The following KIF26B variants were observed in gnomAD, a reference collection of about 807,000 sequenced individuals.
KIF26B encodes kinesin-like protein KIF26B.
A neutral mutation model predicts 151.2 loss-of-function variants in KIF26B; 63 were observed. The ratio of observed to expected loss-of-function variants is 0.42; its 90% CI spans 0.34 to 0.51. KIF26B has a LOEUF of 0.51. Ranked by LOEUF, KIF26B falls within the 20% of genes least tolerant of loss-of-function variation. KIF26B has a pLI of 0.07. For synonymous variants in KIF26B, 1,357 were observed against 1,262.1 expected, an observed-to-expected ratio of 1.08 and a Z score of -1.59; for missense variants, 2,813 against 2,913.6, an observed-to-expected ratio of 0.97 and a Z score of 0.79.
chr1:245,156,307 A>G lies in KIF26B; in HGVS notation c.89A>G (p.Lys30Arg). The change falls in exon 2 of 15, where the codon AAG (lysine) becomes AGG (arginine). Residue 30 changes from lysine to arginine, a missense_variant. Lys to Arg is a conservative substitution (Grantham distance 26, BLOSUM62 2). Around this residue, in one of 3 missense-constraint regions of KIF26B, gnomAD observed 676 missense variants for 688.1 expected, o/e 0.98. Coordinates refer to ENST00000407071, the MANE Select transcript of KIF26B (RefSeq NM_018012.4). Reference protein sequence around the residue: ...YGVNEVCSPTKPAAPFSPESW... With the variant: ...YGVNEVCSPTRPAAPFSPESW... The stretch of plus-strand genomic sequence containing the variant: ...GTGAATGAAGTCTGCTCGCCCACCA[A>G]GCCCGCAGCGCCCTTCTCCCCGGAA... 3.2e-6 allele frequency: 5 copies of G among 1,547,364 alleles called. No homozygotes were observed. Among genetic ancestry groups the G allele is most frequent in the Non-Finnish European group, 4.4e-6 (5 of 1,145,962 alleles).
chr1:245,648,734 C>T (rs768754763), intron 10 of KIF26B, among the ~76,000 whole-genome samples: 3 of 152,224 alleles, frequency 2.0e-5, no homozygotes, highest in Non-Finnish European at 4.4e-5. Flanking sequence ...TACCTGCCCT[C>T]CTGGGAGACA....
chr1:245,345,557 C>G (rs1185229808), intron 2 of KIF26B, among the ~76,000 whole-genome samples: 1 of 151,810 alleles, frequency 6.6e-6, no homozygotes, highest in Non-Finnish European at 1.5e-5. Flanking sequence ...GTGTCCCTGC[C>G]CACATCTCAT....
At chr1:245,590,484 T>C (rs2043276239) in intron 5 of KIF26B, among the ~76,000 whole-genome samples, 1 of 152,270 alleles carries the variant, frequency 6.6e-6, no homozygotes, top group African/African-American at 2.4e-5. Context: ...TTACCATTTC[T>C]ACTCACAGTA....
intron 2 of KIF26B, among the ~76,000 whole-genome samples, chr1:245,253,692 TTTTTAAAATGG>T (rs1670482376): frequency 6.6e-6 from 1 of 151,816 alleles, no homozygotes; most frequent in Admixed American, 6.6e-5. Context: ...CTAACTTAAT[TTTTTAAAATGG>T]TTATAGGACT....
At chr1:245,184,902 G>A (rs1313128104) in intron 2 of KIF26B, among the ~76,000 whole-genome samples, 6 of 152,186 alleles carry the variant, frequency 3.9e-5, no homozygotes, top group East Asian at 1.9e-4. Context: ...GATAGAGAGC[G>A]TCTTGCTTGC....
chr1:245,243,481 T>TAC lies in KIF26B; in HGVS notation c.465+86804_465+86805dup, dbSNP rs1553338074. ...ACACACACACACACACATATATATA[T>TAC]ACACACATACATAAAAGGATCTTTT... On this transcript the variant is annotated intron_variant, in intron 2 of 14. Coordinates refer to ENST00000407071, the MANE Select transcript of KIF26B (RefSeq NM_018012.4). 6.4e-3 allele frequency among the ~76,000 whole-genome samples: 978 copies of TAC among 151,710 alleles called. 4 individuals are homozygous for TAC. Among genetic ancestry groups the TAC allele is most frequent in the Non-Finnish European group, 9.5e-3 (645 of 67,896 alleles).
At chr1:245,551,743 G>A (rs557619734) in intron 5 of KIF26B, among the ~76,000 whole-genome samples, 3 of 152,238 alleles carry the variant, frequency 2.0e-5, no homozygotes, top group East Asian at 3.9e-4. Context: ...AGGCTCCCAG[G>A]GTGGATCTGC....
At chr1:245,298,617 A>G (rs1671376386) in intron 2 of KIF26B, among the ~76,000 whole-genome samples, 1 of 152,240 alleles carries the variant, frequency 6.6e-6, no homozygotes, top group Admixed American at 6.5e-5. Flanking sequence ...ATGCTCTTGA[A>G]TAGTACACCT....
intron 2 of KIF26B, among the ~76,000 whole-genome samples, chr1:245,286,409 G>T (rs1573753758): frequency 6.6e-6 from 1 of 152,046 alleles, no homozygotes. Flanking sequence ...AGGTGTGATT[G>T]TGCACACCTG....
rs139203615 is a variant in KIF26B at position 245,292,243 on chromosome 1, C to T, written c.466-74591C>T. On this transcript the variant is annotated intron_variant, in intron 2 of 14. Coordinates refer to ENST00000407071, the MANE Select transcript of KIF26B (RefSeq NM_018012.4). ...GTTCAAATCTTGAGTGTGCAGTCTTCGAAACCCTCTGAGCTCTGTTCCAGA... is the reference window on the plus strand; with the variant it reads ...GTTCAAATCTTGAGTGTGCAGTCTTTGAAACCCTCTGAGCTCTGTTCCAGA... Among the ~76,000 whole-genome samples, 487 of 152,258 alleles carry T rather than the reference C, an allele frequency of 3.2e-3. 3 individuals carry two copies. Among genetic ancestry groups the T allele is most frequent in the South Asian group, 0.012 (60 of 4,816 alleles).
chr1:245,591,760 C>T (rs993747205), intron 5 of KIF26B, among the ~76,000 whole-genome samples: 1 of 152,160 alleles, frequency 6.6e-6, no homozygotes, highest in Admixed American at 6.5e-5. Context: ...GAGGATGAGG[C>T]CCCTTCTAAC....
chr1:245,273,444 C>T (rs1284652950), intron 2 of KIF26B, among the ~76,000 whole-genome samples: 5 of 151,260 alleles, frequency 3.3e-5, no homozygotes, highest in Admixed American at 2.0e-4. Flanking sequence ...AAAAAAAACC[C>T]CAAAAAACAA....
At position 245,688,297 on chromosome 1, in the gene KIF26B, A is replaced by G; in HGVS notation, c.5314A>G (p.Ser1772Gly). The G allele has an allele frequency of 6.3e-7, 1 of 1,596,392 alleles. No homozygotes were observed. The highest frequency in any genetic ancestry group is 1.1e-5 in the South Asian group (1 of 90,654). ...SLPQAVGQGSSSPPGGKHTPW... is the reference protein window; with the variant it reads ...SLPQAVGQGSGSPPGGKHTPW... ...GCCGCAGGCGGTGGGCCAGGGCTCC[A>G]GCTCGCCCCCCGGTGGGAAGCACAC... is the stretch of plus-strand genomic sequence containing the variant. The change falls in exon 12 of 15, where the codon AGC (serine) becomes GGC (glycine). Residue 1772 changes from serine to glycine, a missense_variant. By Grantham distance (56) the Ser-to-Gly change is moderately conservative. This residue lies in a region of KIF26B where 2,060 missense variants were observed against 2,088.6 expected (regional missense o/e 0.99). Coordinates refer to ENST00000407071, the MANE Select transcript of KIF26B (RefSeq NM_018012.4).
chr1:245,457,149 A>G (rs1041275965), intron 4 of KIF26B, among the ~76,000 whole-genome samples: 1 of 152,250 alleles, frequency 6.6e-6, no homozygotes, highest in Non-Finnish European at 1.5e-5. Context: ...TACAGGCATG[A>G]GCCACTGCAC....
At chr1:245,529,120 C>T (rs891567047) in intron 4 of KIF26B, among the ~76,000 whole-genome samples, 1 of 152,054 alleles carries the variant, frequency 6.6e-6, no homozygotes, top group Admixed American at 6.6e-5. Flanking sequence ...CATCGGAGTC[C>T]CCGTCATACA....
chr1:245,668,334 C>A (rs2044240374), intron 10 of KIF26B, among the ~76,000 whole-genome samples: 1 of 152,194 alleles, frequency 6.6e-6, no homozygotes, highest in African/African-American at 2.4e-5. Flanking sequence ...ATCAAACGTA[C>A]CAACTTAAAA....
chr1:245,486,685 T>A (rs1430881229), intron 4 of KIF26B, among the ~76,000 whole-genome samples: 3 of 152,220 alleles, frequency 2.0e-5, no homozygotes, highest in Non-Finnish European at 4.4e-5. Flanking sequence ...TAAATTTTTT[T>A]TTGGGACGAG....
chr1:245,308,163 G>C (rs1168417615), intron 2 of KIF26B, among the ~76,000 whole-genome samples: 2 of 152,172 alleles, frequency 1.3e-5, no homozygotes, highest in East Asian at 3.8e-4. Flanking sequence ...TGGGTTAGGG[G>C]AGAAGTATAG....
At chr1:245,272,998 T>C (rs1431241581) in intron 2 of KIF26B, among the ~76,000 whole-genome samples, 2 of 152,190 alleles carry the variant, frequency 1.3e-5, no homozygotes, top group East Asian at 3.8e-4. Context: ...TCTGCTGCTT[T>C]TGGGTGAAAT....
Sources: gnomAD v4.1 joint callset for allele counts (sites outside exome capture counted in the v4.1 genomes callset) on GRCh38, gnomAD v4.1.1 for gene constraint, gnomAD v4.1.1 regional missense constraint, MANE v1.5 for transcripts, NCBI Gene and HGNC (gene_info 2026-07-23, HGNC 2026-07-21) for gene names.